Variants in SS18L1 observed in about 807,000 individuals in gnomAD.
The protein encoded by SS18L1 is calcium-responsive transactivator.
SS18L1 carries 32 observed loss-of-function variants against 70.3 expected under a neutral mutation model. That is an observed-to-expected ratio of 0.46 (90% CI 0.34 to 0.61). SS18L1 has a LOEUF of 0.61. SS18L1 is among the 20% of genes least tolerant of loss of function. The pLI is 0.01. For missense variants in SS18L1, 430 were observed against 542.1 expected (o/e 0.79, Z 2.05); for synonymous variants, 237 against 229.7 (o/e 1.03, Z -0.29).
At chr20:62,175,194 C>T (rs4327301) in intron 10 of SS18L1, 1 of 969,522 alleles carries the variant, frequency 1.0e-6, no homozygotes, top group Non-Finnish European at 1.2e-6. Context: ...GAAGCCCTTT[C>T]TGCCCAGGAA....
intron 1 of SS18L1, among the ~76,000 whole-genome samples, chr20:62,146,222 C>T (rs998614281): frequency 2.0e-5 from 3 of 152,234 alleles, no homozygotes; most frequent in Non-Finnish European, 2.9e-5. Flanking sequence ...TCTCATGCTC[C>T]GTCGGCAGTC....
rs1568766271 is a variant in SS18L1 at position 62,174,444 on chromosome 20, ATTT to A, written c.1037-70_1037-68del. 2.6e-6 allele frequency: 4 copies of A among 1,539,986 alleles called. No individual in the cohort carries two copies. Among genetic ancestry groups the A allele is most frequent in the Admixed American group, 4.4e-5 (2 of 45,658 alleles). Reference sequence around the variant, plus strand: ...AGGAGAAGAGGAAGTTTTAAAAAAAATTTTTAAGTTAAGAAAAAAAAAGAAAGA... The same window carrying A: ...AGGAGAAGAGGAAGTTTTAAAAAAAATTAAGTTAAGAAAAAAAAAGAAAGA... On this transcript the variant is annotated intron_variant, in intron 9 of 10. Coordinates refer to ENST00000331758, the MANE Select transcript of SS18L1 (RefSeq NM_198935.3). The surrounding 1 kb of genome is among the most constrained non-coding windows in gnomAD (Gnocchi z 4.1).
At chr20:62,168,835 A>G (rs2057479534) in intron 8 of SS18L1, among the ~76,000 whole-genome samples, 1 of 152,130 alleles carries the variant, frequency 6.6e-6, no homozygotes. Context: ...GAATTTTCCA[A>G]CTTTTGAGTC....
At chr20:62,148,491 C>A (rs2427252) in intron 1 of SS18L1, among the ~76,000 whole-genome samples, 18,281 of 135,224 alleles carry the variant, frequency 0.14, 4,321 homozygotes, top group African/African-American at 0.5. Context: ...TTGCTCTCTT[C>A]GGTCAGGTGA....
chr20:62,171,892 G>A (rs1035062011), intron 8 of SS18L1, among the ~76,000 whole-genome samples: 12 of 152,142 alleles, frequency 7.9e-5, no homozygotes, highest in Non-Finnish European at 1.6e-4. Flanking sequence ...GTCGGGCACC[G>A]TGGCTCACGC....
Position 62,159,553 on chromosome 20 carries a change from T to G in SS18L1, c.147-324T>G, listed in dbSNP as rs2057287065. On this transcript the variant is annotated intron_variant, in intron 2 of 10. Coordinates refer to ENST00000331758, the MANE Select transcript of SS18L1 (RefSeq NM_198935.3). The surrounding 1 kb of genome is among the most constrained non-coding windows in gnomAD (Gnocchi z 4.4). ...CCTCTGTCACCTTCGGGCCCCTGCCTCCTCGTGGCCTCCCCCCATCTCTAT... is the reference window on the plus strand; with the variant it reads ...CCTCTGTCACCTTCGGGCCCCTGCCGCCTCGTGGCCTCCCCCCATCTCTAT... Among the ~76,000 whole-genome samples the G allele has an allele frequency of 6.6e-6, 1 of 152,126 alleles. No homozygotes were observed. The highest frequency in any genetic ancestry group is 2.4e-5 in the African/African-American group (1 of 41,446).
chr20:62,144,506 C>T (rs1019402912), intron 1 of SS18L1, among the ~76,000 whole-genome samples: 3 of 152,218 alleles, frequency 2.0e-5, no homozygotes, highest in African/African-American at 7.2e-5. Context: ...GGCATCGTTA[C>T]GCAGCCCGGC....
intron 5 of SS18L1, among the ~76,000 whole-genome samples, chr20:62,163,198 G>T (rs753984707): frequency 2.0e-4 from 30 of 152,156 alleles, no homozygotes; most frequent in Non-Finnish European, 3.2e-4. Flanking sequence ...CCAGGGAGTG[G>T]GGGCCACTGG....
chr20:62,148,390 A>C (rs1297084012), intron 1 of SS18L1, among the ~76,000 whole-genome samples: 8 of 150,528 alleles, frequency 5.3e-5, no homozygotes, highest in Non-Finnish European at 1.0e-4. Context: ...GTCTTAGGTC[A>C]GGTGAGGGAG....
intron 1 of SS18L1, among the ~76,000 whole-genome samples, chr20:62,150,723 A>C (rs1273883715): frequency 7.6e-6 from 1 of 131,374 alleles, no homozygotes. Flanking sequence ...ACGTGATCAC[A>C]GCTCGTGCAG....
In SS18L1 at chr20:62,164,125, T is replaced by G; in HGVS notation, c.722-20T>G. The G allele has an allele frequency of 6.5e-7, 1 of 1,546,666 alleles. No individual in the cohort carries two copies. ...AGGAGGGCGCGGCCCGCACTGGCGC[T>G]GAATGTGGTTCCCCCGCAGGCTCTT... On this transcript the variant is annotated intron_variant, in intron 6 of 10. Coordinates refer to ENST00000331758, the MANE Select transcript of SS18L1 (RefSeq NM_198935.3).
At chr20:62,165,927 G>A (rs2057421262) in intron 8 of SS18L1, among the ~76,000 whole-genome samples, 1 of 152,254 alleles carries the variant, frequency 6.6e-6, no homozygotes, top group Non-Finnish European at 1.5e-5. Context: ...GCCAGCAGTG[G>A]CTGCGCTGGG....
chr20:62,154,574 A>T (rs890468296), intron 1 of SS18L1: 1 of 1,003,752 alleles, frequency 1.0e-6, no homozygotes, highest in Non-Finnish European at 1.2e-6. Flanking sequence ...TTGGTATGGG[A>T]CACAGCTCCT....
In SS18L1 at chr20:62,151,947, A is replaced by G. The variant is rs369630940; in HGVS notation, c.70-6725A>G. ...GTTCTCCTCTTTTCCCTCTCCCCAG[A>G]GCTGGCCTCCCCCGTTCCCCTCTTT... is the stretch of plus-strand genomic sequence containing the variant. On this transcript the variant is annotated intron_variant, in intron 1 of 10. Transcript: ENST00000331758. Among the ~76,000 whole-genome samples the G allele has an allele frequency of 4.3e-3, 525 of 121,302 alleles. 6 individuals are homozygous for G. The highest frequency in any genetic ancestry group is 5.5e-3 in the Non-Finnish European group (323 of 58,808). The allele number at this position is 121,302 out of a possible 152,430, so 79.6% of individuals were successfully genotyped here. A position where few individuals can be genotyped will look rare whatever the true frequency, so the allele number is the denominator to read the frequency against.
intron 4 of SS18L1, among the ~76,000 whole-genome samples, chr20:62,162,322 CA>C (rs2057344394): frequency 6.6e-6 from 1 of 151,816 alleles, no homozygotes; most frequent in African/African-American, 2.4e-5. Flanking sequence ...TTTTTTGAGA[CA>C]GAGTCTCGCT....
chr20:62,178,399 C>G (rs1294539341), intron 10 of SS18L1, among the ~76,000 whole-genome samples: 1 of 151,840 alleles, frequency 6.6e-6, no homozygotes, highest in Non-Finnish European at 1.5e-5. Context: ...ATGATCCACC[C>G]ACCTCGGCCT....
At chr20:62,169,349 G>C (rs2057489385) in intron 8 of SS18L1, among the ~76,000 whole-genome samples, 1 of 152,252 alleles carries the variant, frequency 6.6e-6, no homozygotes, top group Non-Finnish European at 1.5e-5. Flanking sequence ...CTTCCGGGTA[G>C]GAGATGGGGT....
Position 62,161,031 on chromosome 20 carries a change from C to T in SS18L1, c.232-405C>T, listed in dbSNP as rs527501334. On this transcript the variant is annotated intron_variant, in intron 3 of 10. Transcript: ENST00000331758. The surrounding 1 kb of genome is among the most constrained non-coding windows in gnomAD (Gnocchi z 4.4). ...CACGGGAAACAGGAGAGGGATCCCACCTCTGCCGAAGCTCTTGGCACGGAG... is the reference window on the plus strand; with the variant it reads ...CACGGGAAACAGGAGAGGGATCCCATCTCTGCCGAAGCTCTTGGCACGGAG... Among the ~76,000 whole-genome samples, 17 of 151,954 alleles carry T rather than the reference C, an allele frequency of 1.1e-4. No individual in the cohort carries two copies. Among genetic ancestry groups the T allele is most frequent in the Middle Eastern group, 3.4e-3 (1 of 294 alleles).
At chr20:62,166,920 T>G (rs935124624) in intron 8 of SS18L1, among the ~76,000 whole-genome samples, 1 of 150,536 alleles carries the variant, frequency 6.6e-6, no homozygotes, top group African/African-American at 2.5e-5. Flanking sequence ...AGTGAAACTT[T>G]GTCTCAAAAA....
Sources: gnomAD v4.1 joint callset for allele counts (sites outside exome capture counted in the v4.1 genomes callset) on GRCh38, gnomAD v4.1.1 for gene constraint, Gnocchi (gnomAD v3.1) non-coding constraint, MANE v1.5 for transcripts, NCBI Gene and HGNC (gene_info 2026-07-23, HGNC 2026-07-21) for gene names.